VIT: variants seen among roughly 807,000 people sequenced by gnomAD.
VIT encodes the protein vitrin.
A neutral mutation model predicts 78.0 loss-of-function variants in VIT; 99 were observed. The ratio of observed to expected loss-of-function variants is 1.27; its 90% confidence interval spans 1.08 to 1.50. VIT has a LOEUF of 1.50. Among genes scored for constraint, VIT ranks in the 40% most tolerant of loss-of-function variants. The pLI is 0.00. For missense variants in VIT, 1,126 were observed against 875.3 expected (o/e 1.29, Z -3.61); for synonymous variants, 374 against 334.3 (o/e 1.12, Z -1.29).
At chr2:36,780,832 G>T (rs926374185) in intron 9 of VIT, among the ~76,000 whole-genome samples, 2 of 152,086 alleles carry the variant, frequency 1.3e-5, no homozygotes, top group Non-Finnish European at 2.9e-5. Flanking sequence ...GAGGGAGGGA[G>T]GGGAGACATG....
Position 36,703,449 on chromosome 2 carries a change from C to T in VIT, c.-19+6476C>T, listed in dbSNP as rs1026548481. On this transcript the variant is annotated intron_variant, in intron 1 of 15. Transcript: ENST00000379242. ...GGCACCTATTGTCTTGAGGCCTCAA[C>T]CAAAACTAAGACCAAAGGATCATCT... is the stretch of plus-strand genomic sequence containing the variant. Among the ~76,000 whole-genome samples the T allele has an allele frequency of 2.0e-5, 3 of 150,288 alleles. No homozygotes were observed. The Admixed American group carries it at 2.0e-4, about 10-fold the overall frequency.
At chr2:36,797,196 C>G (rs1665968513) in intron 12 of VIT, among the ~76,000 whole-genome samples, 1 of 151,508 alleles carries the variant, frequency 6.6e-6, no homozygotes, top group Non-Finnish European at 1.5e-5. Flanking sequence ...AGTTTGGGGG[C>G]TCTCTTAAAG....
At chr2:36,810,941 C>T (rs936753196) in intron 15 of VIT, among the ~76,000 whole-genome samples, 1 of 152,178 alleles carries the variant, frequency 6.6e-6, no homozygotes, top group African/African-American at 2.4e-5. Flanking sequence ...GCTTCTGTGC[C>T]TACATTTAAT....
intron 12 of VIT, among the ~76,000 whole-genome samples, chr2:36,800,789 G>C (rs1005231691): frequency 6.6e-6 from 1 of 152,210 alleles, no homozygotes; most frequent in African/African-American, 2.4e-5. Context: ...ATGAGTTTGA[G>C]TAGTGTCACC....
intron 6 of VIT, among the ~76,000 whole-genome samples, chr2:36,764,903 A>C (rs1319651714): frequency 6.6e-6 from 1 of 152,030 alleles, no homozygotes; most frequent in Non-Finnish European, 1.5e-5. Flanking sequence ...GATGGTTCCC[A>C]CCAAGACAGA....
intron 5 of VIT, 41 bp from the exon 6 acceptor site, chr2:36,758,928 C>A (rs1476486646): frequency 6.4e-7 from 1 of 1,555,548 alleles, no homozygotes; most frequent in Middle Eastern, 1.7e-4. Context: ...AAACCTCTAG[C>A]TCTAGAAATA....
At chr2:36,720,400 C>G (rs1666428666) in intron 2 of VIT, among the ~76,000 whole-genome samples, 1 of 152,154 alleles carries the variant, frequency 6.6e-6, no homozygotes, top group African/African-American at 2.4e-5. Context: ...AAAGAACAAT[C>G]TCTTCAATAA....
intron 4 of VIT, among the ~76,000 whole-genome samples, chr2:36,750,835 G>GA (rs562824484): frequency 2.0e-5 from 3 of 150,076 alleles, no homozygotes; most frequent in Admixed American, 6.6e-5. Flanking sequence ...AAAAAAAGAA[G>GA]AAAAAAAAAT....
chr2:36,711,640 G>A (rs1475491609), intron 1 of VIT, among the ~76,000 whole-genome samples: 4 of 152,164 alleles, frequency 2.6e-5, no homozygotes, highest in Non-Finnish European at 5.9e-5. Flanking sequence ...GTATCGTTGT[G>A]CCCACTACCA....
chr2:36,801,410 T>C lies in VIT; in HGVS notation c.1162+6T>C. The C allele has an allele frequency of 1.3e-6, 2 of 1,597,216 alleles. No individual in the cohort carries two copies. Among genetic ancestry groups the C allele is most frequent in the Non-Finnish European group, 1.7e-6 (2 of 1,165,142 alleles). On this transcript the variant is annotated splice_donor_region_variant and intron_variant, in intron 13 of 15. Transcript: ENST00000379242. ...AGGAGGACTTTCTAATGTAGGTATG[T>C]GATCCGGATTCAAATTATACTATCT...
intron 3 of VIT, among the ~76,000 whole-genome samples, chr2:36,740,442 AC>A (rs1297074839): frequency 6.6e-6 from 1 of 152,200 alleles, no homozygotes; most frequent in Admixed American, 6.5e-5. Context: ...TAGACATTAC[AC>A]TTTTTAATAA....
intron 5 of VIT, among the ~76,000 whole-genome samples, chr2:36,756,315 T>G (rs749984647): frequency 2.9e-4 from 44 of 152,276 alleles, no homozygotes; most frequent in Non-Finnish European, 5.7e-4. Context: ...ATCTCCCATT[T>G]TCTCTAAGGC....
chr2:36,812,387 C>T (rs575808969), intron 15 of VIT, among the ~76,000 whole-genome samples: 1 of 152,112 alleles, frequency 6.6e-6, no homozygotes, highest in South Asian at 2.1e-4. Flanking sequence ...GCTTACCCTA[C>T]TCAGACCAGC....
Position 36,808,798 on chromosome 2 carries a change from C to A in VIT, c.1716C>A (p.Asp572Glu), listed in dbSNP as rs764981801. Residue 572 changes from aspartate (D) to glutamate (E), a missense_variant, in exon 15 of 16, where the codon GAC (aspartate) becomes GAA (glutamate). By Grantham distance (45) the Asp-to-Glu change is conservative. Coordinates refer to ENST00000379242, the MANE Select transcript of VIT (RefSeq NM_053276.4). ...TCGACAAGTACAGCAGCAAGCCTGA[C>A]ATCCTCAACGCCATCAAGAGGGTGG... ...FGFDKYSSKPDILNAIKRVGY... is the reference protein window; with the variant it reads ...FGFDKYSSKPEILNAIKRVGY... The A allele has an allele frequency of 2.0e-5, 32 of 1,614,018 alleles. 1 individual carries two copies. The South Asian group carries it at 3.5e-4, about 18-fold the overall frequency.
intron 1 of VIT, among the ~76,000 whole-genome samples, chr2:36,709,346 T>C (rs1041788140): frequency 6.6e-6 from 1 of 152,190 alleles, no homozygotes; most frequent in African/African-American, 2.4e-5. Flanking sequence ...TCCAATTCCT[T>C]ACCTCTAAAA....
intron 6 of VIT, among the ~76,000 whole-genome samples, chr2:36,762,060 T>C (rs952626681): frequency 8.5e-5 from 13 of 152,252 alleles, no homozygotes; most frequent in East Asian, 7.7e-4. Context: ...AGAGAAACTA[T>C]AGCCAAATGA....
chr2:36,804,048 C>G (rs1346378508), intron 13 of VIT, among the ~76,000 whole-genome samples: 2 of 152,202 alleles, frequency 1.3e-5, no homozygotes, highest in African/African-American at 2.4e-5. Context: ...TCCTGGCAAA[C>G]TGAGACAATT....
chr2:36,714,078 G>A (rs1351521143), intron 1 of VIT, among the ~76,000 whole-genome samples: 1 of 152,180 alleles, frequency 6.6e-6, no homozygotes, highest in Non-Finnish European at 1.5e-5. Flanking sequence ...CCTTAATTGG[G>A]AAATTTAACA....
intron 10 of VIT, among the ~76,000 whole-genome samples, chr2:36,782,130 T>C (rs1377764856): frequency 6.6e-6 from 1 of 152,228 alleles, no homozygotes; most frequent in Non-Finnish European, 1.5e-5. Flanking sequence ...TTTCAGGTTT[T>C]CCCTTCACGA....
Sources: gnomAD v4.1 joint callset for allele counts (sites outside exome capture counted in the v4.1 genomes callset) on GRCh38, gnomAD v4.1.1 for gene constraint, MANE v1.5 for transcripts, NCBI Gene and HGNC (gene_info 2026-07-23, HGNC 2026-07-21) for gene names.